The following HAVCR1 variants were observed in gnomAD, a reference collection of about 807,000 sequenced individuals.
HAVCR1 encodes the protein T cell immunoglobin domain and mucin domain protein 1.
A neutral mutation model predicts 32.0 loss-of-function variants in HAVCR1; 34 were observed. The observed-to-expected ratio is 1.06, with a 90% CI of 0.81 to 1.42. The LOEUF is 1.42. HAVCR1 is among the 40% of genes most tolerant of loss of function. HAVCR1 has a pLI of 0.00. For synonymous variants in HAVCR1, 178 were observed against 170.3 expected (o/e 1.05, Z -0.35); for missense variants, 420 against 442.3 (o/e 0.95, Z 0.45).
At chr5:157,042,315 G>A (rs12520634) in intron 6 of HAVCR1, among the ~76,000 whole-genome samples, 34,774 of 151,536 alleles carry the variant, frequency 0.23, 4,547 homozygotes, top group Admixed American at 0.33. Flanking sequence ...GGTGGCGGGC[G>A]CCTGTAGTCC....
chr5:157,064,720 T>G, the HAVCR1 span, among the ~76,000 whole-genome samples: 4 of 151,894 alleles, frequency 2.6e-5, no homozygotes, highest in Middle Eastern at 6.3e-3. Flanking sequence ...TACAAAAATT[T>G]AGCCAGGCAT....
At position 157,052,591 on chromosome 5, in the gene HAVCR1, G is replaced by A; in HGVS notation, c.443C>T (p.Thr148Ile). The A allele has an allele frequency of 6.2e-7, 1 of 1,612,154 alleles. No individual in the cohort carries two copies. The highest frequency in any genetic ancestry group is 8.5e-7 in the Non-Finnish European group (1 of 1,178,576). Reference sequence around the variant, plus strand: ...AACAGTCGTTGTCGTTGGAACAGTGGTGCTCGTTCGAACAGTCGTGACGGT... The same window carrying A: ...AACAGTCGTTGTCGTTGGAACAGTGATGCTCGTTCGAACAGTCGTGACGGT... ...VPTVTTVRTS[T>I]TVPTTTTVPM... The change falls in exon 4 of 9, where the codon ACC becomes ATC. Residue 148 changes from threonine (T) to isoleucine (I), a missense_variant. By Grantham distance (89) the Thr-to-Ile change is moderately conservative (BLOSUM62 -1). Transcript: ENST00000523175.
At position 157,057,380 on chromosome 5, in the gene HAVCR1, GAGAGAGGAAAGAAAGAAA is replaced by G. The variant is rs1436782019; in HGVS notation, c.46+500_46+517del. Among the ~76,000 whole-genome samples the G allele has an allele frequency of 5.5e-4, 76 of 139,318 alleles. 3 individuals are homozygous for G. In the Admixed American group the frequency reaches 6.0e-3, roughly 11 times the overall value. 91.4% of individuals were successfully genotyped at this position (139,318 alleles called of 152,430 possible). On this transcript the variant is annotated intron_variant, in intron 2 of 8. Transcript: ENST00000523175. ...CCTCATGAAGAGAGAGAGAGAGAGA[GAGAGAGGAAAGAAAGAAA>G]GAAAGAAAGAAAGAAAGAAAGAAAG... is the stretch of plus-strand genomic sequence containing the variant.
chr5:157,055,036 G>A (rs1321575188), intron 3 of HAVCR1, among the ~76,000 whole-genome samples, 165 bp downstream of exon 3: 1 of 152,058 alleles, frequency 6.6e-6, no homozygotes, highest in Non-Finnish European at 1.5e-5. Flanking sequence ...ATTATGCTTG[G>A]CCTTGTAACT....
At chr5:157,045,709 G>A (rs1422946913) in intron 5 of HAVCR1, among the ~76,000 whole-genome samples, 1 of 152,184 alleles carries the variant, frequency 6.6e-6, no homozygotes, top group African/African-American at 2.4e-5. Flanking sequence ...CCATATGACA[G>A]CTCCAATCCT....
chr5:157,036,135 G>A (rs1754514064), intron 7 of HAVCR1, among the ~76,000 whole-genome samples: 1 of 152,150 alleles, frequency 6.6e-6, no homozygotes, highest in South Asian at 2.1e-4. Flanking sequence ...CTGAGGTTAG[G>A]AGTTTGAGAC....
At chr5:157,068,445 G>A in the HAVCR1 span, among the ~76,000 whole-genome samples, 2 of 151,838 alleles carry the variant, frequency 1.3e-5, no homozygotes, top group African/African-American at 4.8e-5. Context: ...TAATTAGCCG[G>A]GCATGGTGAT....
chr5:157,053,000 A>T (rs189396945), intron 3 of HAVCR1, among the ~76,000 whole-genome samples: 20 of 152,176 alleles, frequency 1.3e-4, no homozygotes, highest in Admixed American at 1.2e-3. Context: ...GCTGCCTCGA[A>T]CTCCCAGGCT....
Position 157,038,198 on chromosome 5 carries a change from A to G in HAVCR1, c.838-837T>C, listed in dbSNP as rs1416743994. Among the ~76,000 whole-genome samples, 3 of 152,162 alleles carry G rather than the reference A, an allele frequency of 2.0e-5. No homozygotes were observed. The East Asian group carries it at 5.8e-4, about 29-fold the overall frequency. The stretch of plus-strand genomic sequence containing the variant: ...GCTGCACACAGACATGGCCATGATT[A>G]ACAATTCAACGCTATGCAATCATGA... On this transcript the variant is annotated intron_variant, in intron 6 of 8. Coordinates refer to ENST00000523175, the MANE Select transcript of HAVCR1 (RefSeq NM_001173393.3).
Position 157,052,375 on chromosome 5 carries a change from T to G in HAVCR1, c.659A>C (p.Gln220Pro). 1 of 1,614,214 alleles carries G rather than the reference T, an allele frequency of 6.2e-7. No homozygotes were observed. Among genetic ancestry groups the G allele is most frequent in the Non-Finnish European group, 8.5e-7 (1 of 1,180,000 alleles). The change falls in exon 4 of 9, where the codon CAG (glutamine) becomes CCG (proline). Residue 220 changes from glutamine to proline, a missense_variant. By Grantham distance (76) the Gln-to-Pro change is moderately conservative. Coordinates refer to ENST00000523175, the MANE Select transcript of HAVCR1 (RefSeq NM_001173393.3). Reference protein sequence around the residue: ...TFVPPMPLPRQNHEPVATSPS... With the variant: ...TFVPPMPLPRPNHEPVATSPS... ...ATCTGTTTTACCTGGTTCATGGTTC[T>G]GCCTGGGCAAAGGCATTGGAGGAAC...
intron 4 of HAVCR1, 81 bp from the exon 5 acceptor site, chr5:157,049,226 A>C: frequency 2.2e-6 from 2 of 902,686 alleles, no homozygotes; most frequent in Non-Finnish European, 3.7e-6. Context: ...CAAAACTAGA[A>C]TCAGGAATTA....
At chr5:157,068,717 A>G in the HAVCR1 span, among the ~76,000 whole-genome samples, 1 of 150,394 alleles carries the variant, frequency 6.6e-6, no homozygotes, top group East Asian at 2.0e-4. Flanking sequence ...GGCTCAATCC[A>G]TCCTCCTGCC....
chr5:157,034,115 G>C (rs1330809196), intron 7 of HAVCR1, among the ~76,000 whole-genome samples: 2 of 152,116 alleles, frequency 1.3e-5, no homozygotes, highest in African/African-American at 4.8e-5. Context: ...GTGGGCCCAA[G>C]GGACCGGCGC....
Position 157,029,529 on chromosome 5 carries a change from A to T in HAVCR1, c.*204T>A, listed in dbSNP as rs2113456021. ...GGATTGAGCCAGTTTTAGCATAAAA[A>T]ATTAGGACTACATTAATGATGAGGT... On this transcript the variant is annotated 3_prime_UTR_variant, in exon 9 of 9. Transcript: ENST00000523175. The T allele has an allele frequency of 1.5e-6, 2 of 1,318,442 alleles. No homozygotes were observed. The highest frequency in any genetic ancestry group is 5.0e-5 in the East Asian group (2 of 39,604). 81.7% of individuals were successfully genotyped at this position (1,318,442 alleles called of 1,614,324 possible).
At chr5:157,041,787 G>A (rs6874311) in intron 6 of HAVCR1, among the ~76,000 whole-genome samples, 2 of 152,094 alleles carry the variant, frequency 1.3e-5, no homozygotes, top group African/African-American at 4.8e-5. Flanking sequence ...GCCCGGGCGC[G>A]GTGGCTCACG....
chr5:157,045,668 G>A (rs1755351876), intron 5 of HAVCR1, among the ~76,000 whole-genome samples: 1 of 152,092 alleles, frequency 6.6e-6, no homozygotes, highest in Non-Finnish European at 1.5e-5. Flanking sequence ...CCATTTCCTG[G>A]CACATACATC....
intron 8 of HAVCR1, among the ~76,000 whole-genome samples, chr5:157,031,728 G>A (rs1262751897): frequency 6.7e-6 from 1 of 150,302 alleles, no homozygotes; most frequent in Non-Finnish European, 1.5e-5. Flanking sequence ...GCTGAGGCTG[G>A]AGAATTGCTT....
rs57821791 is a variant in HAVCR1, at chr5:157,031,794, C to CAA, written c.986+1058_986+1059dup. 7.0e-3 allele frequency among the ~76,000 whole-genome samples: 750 copies of CAA among 106,526 alleles called. 10 individuals are homozygous for CAA. Among genetic ancestry groups the CAA allele is most frequent in the African/African-American group, 0.019 (522 of 26,780 alleles). The allele number at this position is 106,526 out of a possible 152,430, so 69.9% of individuals were successfully genotyped here. A position where few individuals can be genotyped will look rare whatever the true frequency, so the allele number is the denominator to read the frequency against. ...CCATTGCATTCCAGCCTGGGTGTCT[C>CAA]AAAAAAAAAAAAAAAAAAAAAAGTA... On this transcript the variant is annotated intron_variant, in intron 8 of 8. Transcript: ENST00000523175.
upstream of HAVCR1, among the ~76,000 whole-genome samples, chr5:157,063,285 ATTT>A (rs70984433): frequency 9.9e-5 from 13 of 131,774 alleles, no homozygotes; most frequent in East Asian, 1.4e-3. Context: ...TGTAACTTAC[ATTT>A]TTTTTTTTTT....
Sources: allele counts gnomAD v4.1 joint callset (sites outside exome capture counted in the v4.1 genomes callset), GRCh38; gene constraint gnomAD v4.1.1; transcripts MANE v1.5; gene names NCBI Gene and HGNC (gene_info 2026-07-23, HGNC 2026-07-21).